SLC12A6: variants seen among roughly 807,000 people sequenced by gnomAD.
The protein encoded by SLC12A6 is solute carrier family 12 member 6.
A neutral mutation model predicts 135.3 loss-of-function variants in SLC12A6; 66 were observed. The observed-to-expected ratio is 0.49, with a 90% CI of 0.40 to 0.60. SLC12A6 has a LOEUF of 0.60. SLC12A6 is among the 20% of genes least tolerant of loss of function. The probability of loss-of-function intolerance (pLI) is 0.00; values close to 1 mark genes in which losing one functional copy is unlikely to be tolerated. For synonymous variants in SLC12A6, 513 were observed against 508.8 expected (o/e 1.01, Z -0.11); for missense variants, 1,058 against 1,452.3 (o/e 0.73, Z 4.41).
Position 34,252,280 on chromosome 15 carries a change from A to G in SLC12A6, c.1223T>C (p.Phe408Ser). Residue 408 changes from phenylalanine (F) to serine (S), a missense_variant, in exon 10 of 26, where the codon TTC becomes TCC. Coordinates refer to ENST00000354181, the MANE Select transcript of SLC12A6 (RefSeq NM_001365088.1). ...GAAAAATTGACTCGAGTTACAGAAG[A>G]ATCCCCATAACTTTGATGGGACTGT... ...NMTVPSKLWG[F>S]FCNSSQFFNA... 1.9e-6 allele frequency: 3 copies of G among 1,604,588 alleles called. No individual in the cohort carries two copies. Among genetic ancestry groups the G allele is most frequent in the Non-Finnish European group, 2.6e-6 (3 of 1,171,354 alleles).
rs1044064509 is a variant in SLC12A6, at chr15:34,278,611, G to A, written c.272-3222C>T. On this transcript the variant is annotated intron_variant, in intron 2 of 25. Transcript: ENST00000354181. Reference sequence around the variant, plus strand: ...TTTTGAGATGGAGTCTTGCTCTGTCGCCCAGGCTGGAGTGCAGTAGCGCGA... The same window carrying A: ...TTTTGAGATGGAGTCTTGCTCTGTCACCCAGGCTGGAGTGCAGTAGCGCGA... Among the ~76,000 whole-genome samples the A allele has an allele frequency of 1.7e-4, 26 of 151,766 alleles. No individual in the cohort carries two copies. The South Asian group carries it at 3.8e-3, about 22-fold the overall frequency.
chr15:34,305,759 A>AT (rs1161853179), intron 2 of SLC12A6, among the ~76,000 whole-genome samples: 3,902 of 139,312 alleles, frequency 0.028, 174 homozygotes, highest in African/African-American at 0.094. Context: ...CTCCTCCAGC[A>AT]TTTTTTTTTT....
chr15:34,236,904 A>G, intron 22 of SLC12A6, 89 bp from the exon 23 acceptor site: 1 of 782,124 alleles, frequency 1.3e-6, no homozygotes, highest in Non-Finnish European at 2.3e-6. Flanking sequence ...ACTAAATTAA[A>G]CCAGGGACAG....
chr15:34,241,402 AGTTT>A lies in SLC12A6; in HGVS notation c.2163-69_2163-66del, dbSNP rs1222030612. The stretch of plus-strand genomic sequence containing the variant: ...TAGTAAGTATAATTTTAAAAAATAA[AGTTT>A]TTTTCTGAATCTAAAAATCACACAT... On this transcript the variant is annotated intron_variant, in intron 17 of 25. Coordinates refer to ENST00000354181, the MANE Select transcript of SLC12A6 (RefSeq NM_001365088.1). 2.0e-5 allele frequency: 18 copies of A among 882,872 alleles called. No homozygotes were observed. The East Asian group carries it at 4.8e-4, about 23-fold the overall frequency. 54.7% of individuals were successfully genotyped at this position (882,872 alleles called of 1,614,324 possible).
intron 2 of SLC12A6, among the ~76,000 whole-genome samples, chr15:34,324,788 C>A (rs957519906): frequency 2.0e-5 from 3 of 151,832 alleles, no homozygotes; most frequent in Admixed American, 6.6e-5. Flanking sequence ...GAAGGTTAGG[C>A]GAACATGAAA....
At chr15:34,253,586 G>A (rs1892539578) in intron 9 of SLC12A6, among the ~76,000 whole-genome samples, 1 of 152,218 alleles carries the variant, frequency 6.6e-6, no homozygotes, top group Non-Finnish European at 1.5e-5. Flanking sequence ...TTTGAGGTAA[G>A]TCATTAAACC....
intron 22 of SLC12A6, 128 bp downstream of exon 22, chr15:34,237,291 T>C: frequency 1.4e-6 from 1 of 736,784 alleles, no homozygotes; most frequent in Non-Finnish European, 2.2e-6. Context: ...TTTTTTGTTT[T>C]TTTTTTGGCA....
rs190448943 is a variant in SLC12A6, at chr15:34,282,570, T to C, written c.272-7181A>G. Among the ~76,000 whole-genome samples, 320 of 152,170 alleles carry C rather than the reference T, an allele frequency of 2.1e-3. 1 individual carries two copies. The highest frequency in any genetic ancestry group is 7.3e-3 in the African/African-American group (304 of 41,508). On this transcript the variant is annotated intron_variant, in intron 2 of 25. Coordinates refer to ENST00000354181, the MANE Select transcript of SLC12A6 (RefSeq NM_001365088.1). Reference sequence around the variant, plus strand: ...GAGCTTGAGGCCAGCCTGGGCAACATAGCAAGACCCCATCTCTTAAAAAAG... The same window carrying C: ...GAGCTTGAGGCCAGCCTGGGCAACACAGCAAGACCCCATCTCTTAAAAAAG...
At chr15:34,258,440 T>C (rs1892901222) in intron 5 of SLC12A6, among the ~76,000 whole-genome samples, 1 of 152,204 alleles carries the variant, frequency 6.6e-6, no homozygotes, top group African/African-American at 2.4e-5. Context: ...ATCAGCTAGA[T>C]CTCTCCTCAA....
At chr15:34,263,253 C>T (rs556267268) in intron 3 of SLC12A6, among the ~76,000 whole-genome samples, 1 of 151,604 alleles carries the variant, frequency 6.6e-6, no homozygotes, top group African/African-American at 2.4e-5. Flanking sequence ...CCTGCCTCAA[C>T]AAAAAAAATT....
intron 2 of SLC12A6, among the ~76,000 whole-genome samples, chr15:34,322,978 CAAAAAAAA>C (rs1218702689): frequency 1.3e-4 from 5 of 39,038 alleles, no homozygotes; most frequent in Non-Finnish European, 2.0e-4. Context: ...AACTCTGTCT[CAAAAAAAA>C]AAAAAAAAAA....
At chr15:34,246,099 A>G (rs1891971258) in intron 13 of SLC12A6, among the ~76,000 whole-genome samples, 1 of 152,020 alleles carries the variant, frequency 6.6e-6, no homozygotes, top group Non-Finnish European at 1.5e-5. Context: ...CACCTGGCTA[A>G]TTTTTGTATT....
At chr15:34,242,834 T>C (rs1891736700) in intron 16 of SLC12A6, among the ~76,000 whole-genome samples, 1 of 151,976 alleles carries the variant, frequency 6.6e-6, no homozygotes. Flanking sequence ...ACTGAGACCA[T>C]CCTGGCTAAC....
At chr15:34,283,295 A>G (rs1894808606) in intron 2 of SLC12A6, among the ~76,000 whole-genome samples, 1 of 152,238 alleles carries the variant, frequency 6.6e-6, no homozygotes, top group African/African-American at 2.4e-5. Context: ...GTGACCGGAG[A>G]CTGCACCATT....
intron 2 of SLC12A6, among the ~76,000 whole-genome samples, chr15:34,313,457 A>T (rs185964700): frequency 9.0e-4 from 137 of 152,328 alleles, no homozygotes; most frequent in Non-Finnish European, 1.8e-3. Flanking sequence ...GTGCAAAATA[A>T]AAGTTTGAAG....
chr15:34,250,498 T>C, intron 12 of SLC12A6, 133 bp downstream of exon 12: 2 of 826,554 alleles, frequency 2.4e-6, no homozygotes, highest in Non-Finnish European at 4.3e-6. Flanking sequence ...CTATATGAGG[T>C]AGGCAGATAA....
In SLC12A6 at chr15:34,229,921, G is replaced by C; in HGVS notation, c.*3960C>G. On this transcript the variant is annotated 3_prime_UTR_variant, in exon 26 of 26. Transcript: ENST00000354181. ...AGAACCAAAAGACTCTTTTCTCCAT[G>C]GTGGGGTGACAGGTCCTAGAAGGAC... The C allele has an allele frequency of 1.2e-6, 1 of 834,182 alleles. No individual in the cohort carries two copies. The highest frequency in any genetic ancestry group is 2.0e-6 in the Non-Finnish European group (1 of 494,830). The allele number at this position is 834,182 out of a possible 1,614,324, so 51.7% of individuals were successfully genotyped here. A position where few individuals can be genotyped will look rare whatever the true frequency, so the allele number is the denominator to read the frequency against.
At chr15:34,322,978 C>CAAAAAA (rs1218702689) in intron 2 of SLC12A6, among the ~76,000 whole-genome samples, 9 of 39,014 alleles carry the variant, frequency 2.3e-4, no homozygotes, top group Admixed American at 3.8e-4. Flanking sequence ...AACTCTGTCT[C>CAAAAAA]AAAAAAAAAA....
chr15:34,326,732 C>A (rs1375034263), intron 2 of SLC12A6, among the ~76,000 whole-genome samples: 1 of 150,570 alleles, frequency 6.6e-6, no homozygotes, highest in Non-Finnish European at 1.5e-5. Flanking sequence ...TGCTCTGTCA[C>A]CCAGGCTGGA....
Sources: gnomAD v4.1 joint callset for allele counts (sites outside exome capture counted in the v4.1 genomes callset) on GRCh38, gnomAD v4.1.1 for gene constraint, MANE v1.5 for transcripts, NCBI Gene and HGNC (gene_info 2026-07-23, HGNC 2026-07-21) for gene names.